The following RBL1 variants were observed in gnomAD, a reference collection of about 807,000 sequenced individuals.
RBL1 encodes the protein retinoblastoma-like protein 1.
Under a neutral mutation model 123.0 loss-of-function variants are expected in RBL1, and 82 were observed. The observed-to-expected ratio is 0.67, with a 90% CI of 0.56 to 0.80. RBL1 has a LOEUF of 0.80. RBL1 is among the 30% of genes least tolerant of loss of function. The pLI is 0.00. For missense variants in RBL1, 1,171 were observed against 1,299.6 expected (o/e 0.90, Z 1.52); for synonymous variants, 405 against 441.3 (o/e 0.92, Z 1.03).
chr20:37,042,906 C>A (rs1234925103), intron 13 of RBL1, among the ~76,000 whole-genome samples: 5 of 20,874 alleles, frequency 2.4e-4, no homozygotes, highest in South Asian at 2.2e-3. Flanking sequence ...CCCCCCCCCT[C>A]CAAAAAAAAA....
At position 37,032,871 on chromosome 20, in the gene RBL1, C is replaced by A. The variant is rs770462344; in HGVS notation, c.2176G>T (p.Ala726Ser). ...AGTGTGATCTCTCCAGCATCATTTG[C>A]GACACCTGAATGTATAAGCATTATT... ...HKVTIPLHGVANDAGEITLIP... is the reference protein window; with the variant it reads ...HKVTIPLHGVSNDAGEITLIP... Residue 726 changes from alanine (A) to serine (S), a missense_variant, in exon 16 of 22, where the codon GCA (alanine) becomes TCA (serine). Transcript: ENST00000373664. 28 of 1,613,712 alleles carry A rather than the reference C, an allele frequency of 1.7e-5. 1 individual carries two copies. In the South Asian group the frequency reaches 3.0e-4, roughly 17 times the overall value.
intron 19 of RBL1, among the ~76,000 whole-genome samples, chr20:37,009,639 C>T (rs914100980): frequency 1.3e-5 from 2 of 152,042 alleles, no homozygotes; most frequent in African/African-American, 4.8e-5. Context: ...GGATTACAGA[C>T]ATGAGCGAAC....
chr20:37,024,207 T>C (rs1198520262), intron 16 of RBL1, among the ~76,000 whole-genome samples: 2 of 152,124 alleles, frequency 1.3e-5, no homozygotes, highest in Non-Finnish European at 2.9e-5. Flanking sequence ...AGTGATCTAA[T>C]ATAAAGAGAG....
At position 36,996,992 on chromosome 20, in the gene RBL1, G is replaced by C. The variant is rs1039603963; in HGVS notation, c.*1767C>G. The stretch of plus-strand genomic sequence containing the variant: ...ATTCTTGAGAATACTAATTAGTGAC[G>C]GCCAAATCTTAGACTATTTTAAATT... On this transcript the variant is annotated 3_prime_UTR_variant, in exon 22 of 22. Coordinates refer to ENST00000373664, the MANE Select transcript of RBL1 (RefSeq NM_002895.5). The C allele has an allele frequency of 9.2e-5, 14 of 151,934 alleles. No individual in the cohort carries two copies. In the South Asian group the frequency reaches 2.9e-3, roughly 32 times the overall value. 9.4% of individuals were successfully genotyped at this position (151,934 alleles called of 1,614,324 possible).
rs1459235913 is a variant in RBL1, at chr20:36,998,875, G to A, written c.3091C>T (p.Arg1031Ter). 2 of 1,613,338 alleles carry A rather than the reference G, an allele frequency of 1.2e-6. No individual in the cohort carries two copies. The highest frequency in any genetic ancestry group is 1.7e-6 in the Non-Finnish European group (2 of 1,179,510). The part of the protein sequence containing the change: ...IRQGEQRTKK[R>*]VIAIDSDAES... The stretch of plus-strand genomic sequence containing the variant: ...GCATCACTATCGATGGCTATTACTC[G>A]CTTCTTGGTTCTCTGCTCACCTTGC... The change falls in exon 22 of 22, where the codon CGA (arginine) becomes TGA (stop). Residue 1031 changes from arginine to a stop codon, truncating the protein, a stop_gained. Transcript: ENST00000373664. LOFTEE classifies it high-confidence loss of function.
In RBL1 at chr20:37,047,171, A is replaced by G; in HGVS notation, c.1487T>C (p.Ile496Thr). ...MDMSVLLEQD[I>T]FHRSLMACCL... Reference sequence around the variant, plus strand: ...ACAAGCCATCAAGGAACGATGAAATATATCTTGCTCTAAAAGAACCTGGGG... The same window carrying G: ...ACAAGCCATCAAGGAACGATGAAATGTATCTTGCTCTAAAAGAACCTGGGG... The change falls in exon 12 of 22, where the codon ATA becomes ACA. Residue 496 changes from isoleucine to threonine, a missense_variant. Coordinates refer to ENST00000373664, the MANE Select transcript of RBL1 (RefSeq NM_002895.5). 3 of 1,598,564 alleles carry G rather than the reference A, an allele frequency of 1.9e-6. No homozygotes were observed. The South Asian group carries it at 3.4e-5, about 18-fold the overall frequency.
chr20:37,060,097 G>C (rs1172219659), intron 9 of RBL1, among the ~76,000 whole-genome samples: 1 of 151,926 alleles, frequency 6.6e-6, no homozygotes, highest in Non-Finnish European at 1.5e-5. Flanking sequence ...ACTTGGACCT[G>C]GGAGGTGGAG....
At chr20:37,025,999 T>TC (rs957059760) in intron 16 of RBL1, among the ~76,000 whole-genome samples, 3 of 152,034 alleles carry the variant, frequency 2.0e-5, no homozygotes, top group African/African-American at 4.8e-5. Flanking sequence ...CGTCTTGGCC[T>TC]CCCAAAGTGC....
chr20:37,067,255 C>G lies in RBL1; in HGVS notation c.534G>C (p.Trp178Cys). 1.2e-6 allele frequency: 2 copies of G among 1,606,426 alleles called. No homozygotes were observed. The highest frequency in any genetic ancestry group is 1.7e-6 in the Non-Finnish European group (2 of 1,177,954). ...TACCCTTAGTATAAACAAAAAGTGT[C>G]CAACAGAAATTAAACAGATCCTTAA... ...CSVKDLFNFC[W>C]TLFVYTKGNF... The change falls in exon 4 of 22, where the codon TGG becomes TGC. Residue 178 changes from tryptophan to cysteine, a missense_variant. Physicochemically the swap from Trp to Cys is radical, Grantham distance 215. Coordinates refer to ENST00000373664, the MANE Select transcript of RBL1 (RefSeq NM_002895.5).
At position 37,088,980 on chromosome 20, in the gene RBL1, G is replaced by A. The variant is rs372889666; in HGVS notation, c.290+9C>T. 6.5e-7 allele frequency: 1 copy of A among 1,541,404 alleles called. No homozygotes were observed. Among genetic ancestry groups the A allele is most frequent in the South Asian group, 1.3e-5 (1 of 77,424 alleles). On this transcript the variant is annotated intron_variant, in intron 2 of 21. Transcript: ENST00000373664. ...TTATATAACATTTAAAAACATCAAAGAGGTTTACCTTAATTTAGCTGAACG... is the reference window on the plus strand; with the variant it reads ...TTATATAACATTTAAAAACATCAAAAAGGTTTACCTTAATTTAGCTGAACG...
intron 17 of RBL1, 79 bp downstream of exon 17, chr20:37,022,571 C>T: frequency 1.5e-6 from 2 of 1,324,996 alleles, no homozygotes; most frequent in Non-Finnish European, 2.0e-6. Context: ...AAGCTATCTG[C>T]TCACCTTGAC....
chr20:36,998,989 A>C (rs2063920910), intron 21 of RBL1, 60 bp from the exon 22 acceptor site: 4 of 1,492,946 alleles, frequency 2.7e-6, no homozygotes, highest in South Asian at 1.2e-5. Context: ...GGCAGCAAAC[A>C]ACCAAGCTAA....
rs145753645 is a variant in RBL1 at position 37,045,081 on chromosome 20, C to T, written c.1606-831G>A. ...TGACTTTAATATTCACATTTATTTA[C>T]TTATTTATTTATTTATTTATTTATT... On this transcript the variant is annotated intron_variant, in intron 12 of 21. Coordinates refer to ENST00000373664, the MANE Select transcript of RBL1 (RefSeq NM_002895.5). 9.0e-3 allele frequency among the ~76,000 whole-genome samples: 1,318 copies of T among 146,230 alleles called. 13 individuals carry two copies. The highest frequency in any genetic ancestry group is 0.013 in the Non-Finnish European group (848 of 66,624).
At chr20:37,038,712 C>T (rs2064672006) in intron 14 of RBL1, among the ~76,000 whole-genome samples, 1 of 149,270 alleles carries the variant, frequency 6.7e-6, no homozygotes, top group South Asian at 2.2e-4. Flanking sequence ...AAGTGATTCT[C>T]CTGCCTCAAC....
chr20:37,064,936 T>C (rs1228132801), intron 7 of RBL1, among the ~76,000 whole-genome samples: 1 of 151,426 alleles, frequency 6.6e-6, no homozygotes, highest in Non-Finnish European at 1.5e-5. Flanking sequence ...TCTTTCTTTT[T>C]TTTTTTTTTT....
Position 37,032,658 on chromosome 20 carries a change from C to T in RBL1, c.2382+7G>A. The T allele has an allele frequency of 6.2e-7, 1 of 1,613,608 alleles. No homozygotes were observed. The highest frequency in any genetic ancestry group is 2.2e-5 in the East Asian group (1 of 44,816). ...AAATTCTTCTAAAGTGCTATAAAAA[C>T]ACATACCTTTCTGTAAAATAGTGCT... is the stretch of plus-strand genomic sequence containing the variant. On this transcript the variant is annotated splice_region_variant and intron_variant, in intron 16 of 21. Coordinates refer to ENST00000373664, the MANE Select transcript of RBL1 (RefSeq NM_002895.5).
At chr20:37,013,314 T>A (rs1004977543) in intron 19 of RBL1, among the ~76,000 whole-genome samples, 3 of 151,704 alleles carry the variant, frequency 2.0e-5, no homozygotes, top group Non-Finnish European at 4.4e-5. Flanking sequence ...CTCTGAAACA[T>A]GTGCTGTGTC....
At position 37,047,071 on chromosome 20, in the gene RBL1, T is replaced by C. The variant is rs757678961; in HGVS notation, c.1587A>G (p.Gln529=). ...ATCTCACCTTATAAAAGTAAAATGG[T>C]TGCAAGTTGAGAACTTCAATAATCC... ...FPWIIEVLNL[Q]PFYFYKVIEV... is the part of the protein sequence containing the mutation. The change falls in exon 12 of 22, where the codon CAA becomes CAG. Residue 529 remains glutamine (Q), a synonymous_variant. Transcript: ENST00000373664. 1.3e-6 allele frequency: 2 copies of C among 1,586,812 alleles called. No homozygotes were observed. Among genetic ancestry groups the C allele is most frequent in the Non-Finnish European group, 1.7e-6 (2 of 1,174,098 alleles).
At chr20:37,010,835 A>T (rs2064138340) in intron 19 of RBL1, among the ~76,000 whole-genome samples, 1 of 152,102 alleles carries the variant, frequency 6.6e-6, no homozygotes. Context: ...TTATTTTTAG[A>T]GACAAGATCT....
Sources: allele counts gnomAD v4.1 joint callset (sites outside exome capture counted in the v4.1 genomes callset), GRCh38; gene constraint gnomAD v4.1.1; transcripts MANE v1.5; gene names NCBI Gene and HGNC (gene_info 2026-07-23, HGNC 2026-07-21).